QRICH1: variants seen among roughly 807,000 people sequenced by gnomAD.
QRICH1 encodes the protein transcriptional regulator QRICH1.
QRICH1 carries 16 observed loss-of-function variants against 87.1 expected under a neutral mutation model. The ratio of observed to expected loss-of-function variants is 0.18; its 90% CI spans 0.12 to 0.28. The LOEUF (loss-of-function observed/expected upper bound fraction) is 0.28, where lower values mean the gene tolerates loss of function less well. Among genes scored for constraint, QRICH1 ranks in the 10% least tolerant of loss-of-function variants. The probability of loss-of-function intolerance (pLI) is 1.00; values close to 1 mark genes in which losing one functional copy is unlikely to be tolerated. For synonymous variants in QRICH1, 367 were observed against 368.4 expected (o/e 1.00, Z 0.05); for missense variants, 647 against 951.7 (o/e 0.68, Z 4.21).
intron 5 of QRICH1, among the ~76,000 whole-genome samples, chr3:49,044,713 C>T (rs1293264347): frequency 6.6e-6 from 1 of 152,092 alleles, no homozygotes; most frequent in African/African-American, 2.4e-5. Context: ...GTAAATAAGG[C>T]AGATGTTGTG....
chr3:49,050,724 A>C (rs975552854), intron 3 of QRICH1, among the ~76,000 whole-genome samples: 3 of 145,822 alleles, frequency 2.1e-5, no homozygotes, highest in Non-Finnish European at 4.5e-5. Flanking sequence ...ACAACAACAA[A>C]AACCTATTAC....
At chr3:49,040,984 G>C (rs748084816) in intron 6 of QRICH1, among the ~76,000 whole-genome samples, 5 of 152,134 alleles carry the variant, frequency 3.3e-5, no homozygotes, top group Admixed American at 6.5e-5. Flanking sequence ...TCTTTTTTTG[G>C]AGACAGAATC....
intron 1 of QRICH1, 63 bp downstream of exon 1, chr3:49,093,849 G>T: frequency 2.7e-6 from 1 of 372,098 alleles, no homozygotes. Context: ...CCGTTGTGTG[G>T]GGTGGGCCCC....
chr3:49,030,853 G>A (rs1231200642), intron 9 of QRICH1, among the ~76,000 whole-genome samples: 4 of 152,076 alleles, frequency 2.6e-5, no homozygotes, highest in Admixed American at 1.3e-4. Context: ...CTTCCCCTCT[G>A]CCCCTCCTTC....
chr3:49,074,533 C>T (rs2041910479), intron 2 of QRICH1, among the ~76,000 whole-genome samples: 1 of 151,566 alleles, frequency 6.6e-6, no homozygotes, highest in African/African-American at 2.4e-5. Context: ...GGTCACACCA[C>T]TGCACTCCAG....
Position 49,082,448 on chromosome 3 carries a change from G to A in QRICH1, c.-21-5410C>T, listed in dbSNP as rs556441753. Reference sequence around the variant, plus strand: ...ATTTCTAGAATAGTACCTTTAAAAAGTTACTATAAGAAACTCTAGTCCAAA... The same window carrying A: ...ATTTCTAGAATAGTACCTTTAAAAAATTACTATAAGAAACTCTAGTCCAAA... On this transcript the variant is annotated intron_variant, in intron 1 of 9. Transcript: ENST00000395443. 2.0e-5 allele frequency among the ~76,000 whole-genome samples: 3 copies of A among 152,142 alleles called. No individual in the cohort carries two copies. The South Asian group carries it at 6.2e-4, about 32-fold the overall frequency.
At chr3:49,072,684 G>A (rs2041865400) in intron 2 of QRICH1, among the ~76,000 whole-genome samples, 1 of 152,142 alleles carries the variant, frequency 6.6e-6, no homozygotes, top group South Asian at 2.1e-4. Context: ...TTTAAACCCA[G>A]TACTGAAGCT....
At chr3:49,065,496 C>T (rs907368014) in intron 2 of QRICH1, among the ~76,000 whole-genome samples, 3 of 152,142 alleles carry the variant, frequency 2.0e-5, no homozygotes, top group East Asian at 1.9e-4. Flanking sequence ...TAGCTGAATT[C>T]TCCTATCTGC....
chr3:49,072,223 C>T (rs1315897526), intron 2 of QRICH1, among the ~76,000 whole-genome samples: 1 of 152,068 alleles, frequency 6.6e-6, no homozygotes, highest in Non-Finnish European at 1.5e-5. Flanking sequence ...ATGGAGGTTG[C>T]AGTGAGCCAA....
At chr3:49,075,173 T>A (rs1453309450) in intron 2 of QRICH1, among the ~76,000 whole-genome samples, 1 of 148,306 alleles carries the variant, frequency 6.7e-6, no homozygotes, top group African/African-American at 2.5e-5. Context: ...AAAAAAAAAA[T>A]TAATTAATTA....
At position 49,068,408 on chromosome 3, in the gene QRICH1, T is replaced by A. The variant is rs537755694; in HGVS notation, c.309+8301A>T. Among the ~76,000 whole-genome samples the A allele has an allele frequency of 3.3e-5, 5 of 150,866 alleles. 1 individual carries two copies. The highest frequency in any genetic ancestry group is 2.0e-4 in the East Asian group (1 of 5,056). On this transcript the variant is annotated intron_variant, in intron 2 of 9. Coordinates refer to ENST00000395443, the MANE Select transcript of QRICH1 (RefSeq NM_198880.3). ...GGAGGTTGAAGTTGCAGTGAGCCTC[T>A]GATCACACCACTGCATTCCAGCCTG...
In QRICH1 at chr3:49,032,792, G is replaced by C; in HGVS notation, c.1896-19C>G. 1 of 1,598,382 alleles carries C rather than the reference G, an allele frequency of 6.3e-7. No homozygotes were observed. The highest frequency in any genetic ancestry group is 8.5e-7 in the Non-Finnish European group (1 of 1,174,200). On this transcript the variant is annotated intron_variant, in intron 7 of 9. Transcript: ENST00000395443. ...GAAGTACCTGGATCACAAGTAAAAT[G>C]CAAGGCAGAGGGAGGGGTGCCGGGA...
chr3:49,040,620 G>C (rs2106840618), intron 6 of QRICH1, among the ~76,000 whole-genome samples: 1 of 152,268 alleles, frequency 6.6e-6, no homozygotes, highest in South Asian at 2.1e-4. Flanking sequence ...TAACCAGTAA[G>C]TTTCTTTTTT....
At chr3:49,042,137 G>A (rs1440714879) in intron 6 of QRICH1, among the ~76,000 whole-genome samples, 105 of 144,336 alleles carry the variant, frequency 7.3e-4, no homozygotes, top group African/African-American at 2.6e-3. Flanking sequence ...TGCTCTTGTC[G>A]CCCAGGCTGG....
intron 1 of QRICH1, among the ~76,000 whole-genome samples, chr3:49,078,938 C>T (rs987073361): frequency 6.6e-5 from 10 of 151,498 alleles, no homozygotes; most frequent in Non-Finnish European, 1.2e-4. Flanking sequence ...GTGACCCTCC[C>T]GCCTCGGCCT....
chr3:49,060,010 G>A (rs962423976), intron 2 of QRICH1, among the ~76,000 whole-genome samples: 2 of 149,022 alleles, frequency 1.3e-5, no homozygotes, highest in Admixed American at 6.8e-5. Context: ...TCAGCCTCCC[G>A]AGTAGCTGGG....
intron 1 of QRICH1, among the ~76,000 whole-genome samples, chr3:49,079,483 AAAATATTAT>A (rs913902244): frequency 3.0e-4 from 45 of 148,068 alleles, no homozygotes; most frequent in African/African-American, 1.1e-3. Flanking sequence ...CATAAATATA[AAAATATTAT>A]AATTATAATA....
At chr3:49,038,981 C>T (rs1255698294) in intron 6 of QRICH1, among the ~76,000 whole-genome samples, 4 of 151,960 alleles carry the variant, frequency 2.6e-5, no homozygotes, top group African/African-American at 7.2e-5. Flanking sequence ...GAGCCAAGAT[C>T]GTGCCACTGC....
At chr3:49,061,531 T>G (rs1176477430) in intron 2 of QRICH1, among the ~76,000 whole-genome samples, 1 of 151,864 alleles carries the variant, frequency 6.6e-6, no homozygotes, top group South Asian at 2.1e-4. Context: ...TAACCACAAG[T>G]AGGAATTAGA....
Sources: allele counts gnomAD v4.1 joint callset (sites outside exome capture counted in the v4.1 genomes callset), GRCh38; gene constraint gnomAD v4.1.1; transcripts MANE v1.5; gene names NCBI Gene and HGNC (gene_info 2026-07-23, HGNC 2026-07-21).